The following LACRT variants were observed in gnomAD, a reference collection of about 807,000 sequenced individuals.
LACRT encodes the protein extracellular glycoprotein lacritin.
A neutral mutation model predicts 14.5 loss-of-function variants in LACRT; 14 were observed. The ratio of observed to expected loss-of-function variants is 0.96; its 90% CI spans 0.64 to 1.51. The LOEUF is 1.51. Among genes scored for constraint, LACRT ranks in the 40% most tolerant of loss-of-function variants. The pLI is 0.00. For synonymous variants in LACRT, 70 were observed against 63.5 expected (o/e 1.10, Z -0.48); for missense variants, 156 against 161.8 (o/e 0.96, Z 0.19).
chr12:54,633,391 G>A (rs960514227), intron 1 of LACRT, among the ~76,000 whole-genome samples, 158 bp from the exon 2 acceptor site: 3 of 152,166 alleles, frequency 2.0e-5, no homozygotes, highest in Admixed American at 2.0e-4. Context: ...CACCATATCA[G>A]CGGGTCTACT....
chr12:54,633,106 C>A, intron 2 of LACRT, 74 bp downstream of exon 2: 1 of 1,440,908 alleles, frequency 6.9e-7, no homozygotes, highest in South Asian at 1.1e-5. Context: ...GCTTCTTCTC[C>A]CAGCCACCAC....
chr12:54,633,113 C>T, intron 2 of LACRT, 67 bp downstream of exon 2: 1 of 1,480,116 alleles, frequency 6.8e-7, no homozygotes, highest in Non-Finnish European at 9.5e-7. Flanking sequence ...CTCCCAGCCA[C>T]CACTCACATC....
At chr12:54,633,132 T>A (rs1360746342) in intron 2 of LACRT, 48 bp downstream of exon 2, 4 of 1,588,274 alleles carry the variant, frequency 2.5e-6, no homozygotes, top group Non-Finnish European at 2.6e-6. Context: ...TCCCTAACTG[T>A]TAAACCTTCC....
intron 1 of LACRT, among the ~76,000 whole-genome samples, chr12:54,633,449 C>T (rs1958166858): frequency 6.6e-6 from 1 of 152,136 alleles, no homozygotes; most frequent in Admixed American, 6.6e-5. Context: ...AATAACTTCC[C>T]CTCTGAGAAG....
chr12:54,634,210 G>A (rs1958172800), intron 1 of LACRT, among the ~76,000 whole-genome samples: 1 of 152,086 alleles, frequency 6.6e-6, no homozygotes, highest in African/African-American at 2.4e-5. Flanking sequence ...AAATTAGCTG[G>A]GCAAGGTGGC....
In LACRT at chr12:54,632,388, A is replaced by G. The variant is rs976761905; in HGVS notation, c.113-7T>C. 9.3e-6 allele frequency: 15 copies of G among 1,612,886 alleles called. No individual in the cohort carries two copies. Among genetic ancestry groups the G allele is most frequent in the African/African-American group, 5.3e-5 (4 of 74,822 alleles). ...ATCTCTTCATTAGGCTTAGCTGTGA[A>G]TGCACAAATTGATGGATTTTAGCAA... On this transcript the variant is annotated splice_polypyrimidine_tract_variant and splice_region_variant and intron_variant, in intron 2 of 4. Transcript: ENST00000257867.
intron 2 of LACRT, 35 bp downstream of exon 2, chr12:54,633,145 A>G (rs1488310772): frequency 2.5e-6 from 4 of 1,607,198 alleles, no homozygotes; most frequent in East Asian, 2.2e-5. Context: ...AACCTTCCCA[A>G]CGAGGGCTAG....
At chr12:54,632,427 G>C in intron 2 of LACRT, 46 bp from the exon 3 acceptor site, 1 of 1,607,038 alleles carries the variant, frequency 6.2e-7, no homozygotes, top group Middle Eastern at 1.7e-4. Flanking sequence ...GAAAGTGTTT[G>C]TTTCTTTTGG....
intron 3 of LACRT, 105 bp from the exon 4 acceptor site, chr12:54,631,944 G>A: frequency 1.4e-6 from 1 of 693,114 alleles, no homozygotes. Flanking sequence ...CTCCACCCAG[G>A]ACATCATCCC....
At position 54,632,362 on chromosome 12, in the gene LACRT, G is replaced by A; in HGVS notation, c.132C>T (p.Ile44=). Residue 44 remains isoleucine, a synonymous_variant, in exon 3 of 5, where the codon ATC becomes ATT. Coordinates refer to ENST00000257867, the MANE Select transcript of LACRT (RefSeq NM_033277.2). Reference sequence around the variant, plus strand: ...GTGAAGCTGGTTCTGCTGGACCTGAGATCTCTTCATTAGGCTTAGCTGTGA... The same window carrying A: ...GTGAAGCTGGTTCTGCTGGACCTGAAATCTCTTCATTAGGCTTAGCTGTGA... The part of the protein sequence containing the change: ...EAGTSKPNEE[I]SGPAEPASPP... 2 of 1,614,100 alleles carry A rather than the reference G, an allele frequency of 1.2e-6. No individual in the cohort carries two copies. The highest frequency in any genetic ancestry group is 1.7e-6 in the Non-Finnish European group (2 of 1,179,992).
intron 1 of LACRT, 74 bp downstream of exon 1, chr12:54,634,710 G>T: frequency 1.5e-6 from 2 of 1,309,336 alleles, no homozygotes; most frequent in South Asian, 2.4e-5. Context: ...AGGAGGAGAG[G>T]GGTGAAGGCA....
Position 54,632,186 on chromosome 12 carries a change from C to T in LACRT, c.253+55G>A, listed in dbSNP as rs909726057. 6.4e-5 allele frequency: 103 copies of T among 1,600,406 alleles called. No individual in the cohort carries two copies. In the Middle Eastern group the frequency reaches 1.5e-3, roughly 23 times the overall value. On this transcript the variant is annotated intron_variant, in intron 3 of 4. Coordinates refer to ENST00000257867, the MANE Select transcript of LACRT (RefSeq NM_033277.2). ...TCTGTGCGTGGAGGTGTGATGTGGG[C>T]CTGCAGCCAGAGACTTTTCTAGGTT...
At position 54,630,845 on chromosome 12, in the gene LACRT, A is replaced by G; in HGVS notation, c.*47T>C. On this transcript the variant is annotated 3_prime_UTR_variant, in exon 5 of 5. Transcript: ENST00000257867. ...TTCGTTTTAATAGCTCTGGGCTACA[A>G]GGGTATTTAAGGCTTTAAGTCCAAT... 7.3e-7 allele frequency: 1 copy of G among 1,366,244 alleles called. No individual in the cohort carries two copies. The highest frequency in any genetic ancestry group is 1.0e-6 in the Non-Finnish European group (1 of 954,580). 84.6% of individuals were successfully genotyped at this position (1,366,244 alleles called of 1,614,324 possible).
intron 2 of LACRT, among the ~76,000 whole-genome samples, chr12:54,632,784 G>A (rs1378566760): frequency 1.3e-5 from 2 of 152,140 alleles, no homozygotes; most frequent in African/African-American, 4.8e-5. Flanking sequence ...AGAGAGTCAT[G>A]GAAAATGGGG....
chr12:54,631,043 C>T, intron 4 of LACRT, 90 bp from the exon 5 acceptor site: 3 of 817,890 alleles, frequency 3.7e-6, no homozygotes, highest in Non-Finnish European at 6.2e-6. Context: ...TCTCTGCTTT[C>T]CAGACTTACT....
chr12:54,631,600 C>T, intron 4 of LACRT, 138 bp downstream of exon 4: 1 of 687,656 alleles, frequency 1.5e-6, no homozygotes, highest in South Asian at 1.7e-5. Flanking sequence ...GAGGGGTCTT[C>T]AACAGCAGGG....
chr12:54,634,390 G>A (rs1958174510), intron 1 of LACRT, among the ~76,000 whole-genome samples: 1 of 149,878 alleles, frequency 6.7e-6, no homozygotes, highest in Admixed American at 6.6e-5. Flanking sequence ...TTCCTCCTAA[G>A]AGACACAGCC....
rs1455770578 is a variant in LACRT, at chr12:54,633,224, G to A, written c.68C>T (p.Ser23Phe). The change falls in exon 2 of 5, where the codon TCC becomes TTC. Residue 23 changes from serine to phenylalanine, a missense_variant. Coordinates refer to ENST00000257867, the MANE Select transcript of LACRT (RefSeq NM_033277.2). ...AGGATCAGCACCCGTCGAGTCAGAG[G>A]AGGCATCTTCTGCAATGGGGGAAAC... ...AGALVYAEDA[S>F]SDSTGADPAQ... 6.2e-7 allele frequency: 1 copy of A among 1,613,704 alleles called. No homozygotes were observed. The highest frequency in any genetic ancestry group is 8.5e-7 in the Non-Finnish European group (1 of 1,179,902).
intron 2 of LACRT, among the ~76,000 whole-genome samples, chr12:54,632,949 T>C (rs1958162923): frequency 6.6e-6 from 1 of 152,130 alleles, no homozygotes; most frequent in African/African-American, 2.4e-5. Flanking sequence ...AATAACCTTT[T>C]CCCCATGCTC....
Sources: gnomAD v4.1 joint callset for allele counts (sites outside exome capture counted in the v4.1 genomes callset) on GRCh38, gnomAD v4.1.1 for gene constraint, MANE v1.5 for transcripts, NCBI Gene and HGNC (gene_info 2026-07-23, HGNC 2026-07-21) for gene names.